Variants in DCDC1 observed in about 807,000 individuals in gnomAD.
DCDC1 encodes the protein doublecortin domain-containing protein 1.
DCDC1 carries 200 observed loss-of-function variants against 178.3 expected under a neutral mutation model. The observed-to-expected ratio is 1.12, with a 90% CI of 1.00 to 1.26. The LOEUF (loss-of-function observed/expected upper bound fraction) is 1.26, where lower values mean the gene tolerates loss of function less well. DCDC1 is among the 50% of genes most tolerant of loss of function. The probability of loss-of-function intolerance (pLI) is 0.00; values close to 1 mark genes in which losing one functional copy is unlikely to be tolerated. For synonymous variants in DCDC1, 690 were observed against 604.8 expected (o/e 1.14, Z -2.07); for missense variants, 1,983 against 1,749.2 (o/e 1.13, Z -2.38).
intron 7 of DCDC1, among the ~76,000 whole-genome samples, chr11:31,279,252 G>A (rs893345599): frequency 1.3e-5 from 2 of 151,886 alleles, no homozygotes; most frequent in Non-Finnish European, 2.9e-5. Context: ...TTTTTTGTGT[G>A]TGTGTGTGTG....
intron 21 of DCDC1, among the ~76,000 whole-genome samples, chr11:30,936,739 G>C (rs1266553735): frequency 2.0e-5 from 3 of 152,068 alleles, no homozygotes; most frequent in African/African-American, 7.2e-5. Context: ...AAGCAGACTG[G>C]GGGAAGATGC....
chr11:30,939,199 C>T (rs1947478782), intron 21 of DCDC1, among the ~76,000 whole-genome samples: 1 of 152,180 alleles, frequency 6.6e-6, no homozygotes, highest in South Asian at 2.1e-4. Context: ...CTCCCTGTTA[C>T]CTCCACTGTC....
At chr11:31,043,811 T>C (rs1954635557) in intron 20 of DCDC1, among the ~76,000 whole-genome samples, 1 of 142,538 alleles carries the variant, frequency 7.0e-6, no homozygotes. Context: ...TGTGTGTGTT[T>C]CTTTTTGTTT....
Position 30,900,538 on chromosome 11 carries a change from T to C in DCDC1, c.4511-40A>G, listed in dbSNP as rs561004226. The C allele has an allele frequency of 2.0e-5, 27 of 1,378,530 alleles. No individual in the cohort carries two copies. The East Asian group carries it at 5.8e-4, about 30-fold the overall frequency. 85.4% of individuals were successfully genotyped at this position (1,378,530 alleles called of 1,614,324 possible). On this transcript the variant is annotated intron_variant, in intron 32 of 38. Coordinates refer to ENST00000684477, the MANE Select transcript of DCDC1 (RefSeq NM_001387274.1). ...GACACATTTATCATTGTTCAACGAA[T>C]AATGAATAAATTTGTTTTCTGAATT... is the stretch of plus-strand genomic sequence containing the variant.
At position 31,010,982 on chromosome 11, in the gene DCDC1, CAAAT is replaced by C. The variant is rs1389354592; in HGVS notation, c.2591+53483_2591+53486del. On this transcript the variant is annotated intron_variant, in intron 20 of 38. Transcript: ENST00000684477. Reference sequence around the variant, plus strand: ...TATATTTTTTAAAAAACCTACTAAACAAATAAGTAGATCAATGGAAAATAATGCA... The same window carrying C: ...TATATTTTTTAAAAAACCTACTAAACAAGTAGATCAATGGAAAATAATGCA... 2.0e-5 allele frequency among the ~76,000 whole-genome samples: 3 copies of C among 151,846 alleles called. No individual in the cohort carries two copies. In the East Asian group the frequency reaches 5.8e-4, roughly 29 times the overall value.
chr11:30,884,938 T>C (rs555454398), intron 36 of DCDC1, among the ~76,000 whole-genome samples: 90 of 152,218 alleles, frequency 5.9e-4, no homozygotes, highest in African/African-American at 1.7e-3. Flanking sequence ...TGTTGAACTG[T>C]AATTCCAAAA....
chr11:31,004,565 C>T (rs1243960717), intron 20 of DCDC1, among the ~76,000 whole-genome samples: 1 of 151,112 alleles, frequency 6.6e-6, no homozygotes, highest in Non-Finnish European at 1.5e-5. Context: ...CTCCTGTAGT[C>T]CCAGCTACTC....
Position 31,105,953 on chromosome 11 carries a change from A to C in DCDC1, c.1751+844T>G, listed in dbSNP as rs905439870. ...CCCTTATTCTGTTCTACAGATAATA[A>C]GCTAAAAAAATTAAAAATAGAGAAG... On this transcript the variant is annotated intron_variant, in intron 13 of 38. Coordinates refer to ENST00000684477, the MANE Select transcript of DCDC1 (RefSeq NM_001387274.1). Among the ~76,000 whole-genome samples the C allele has an allele frequency of 5.9e-5, 9 of 152,302 alleles. No individual in the cohort carries two copies. In the South Asian group the frequency reaches 1.7e-3, roughly 28 times the overall value.
intron 3 of DCDC1, among the ~76,000 whole-genome samples, chr11:31,327,231 C>T (rs1380178387): frequency 3.3e-5 from 5 of 152,062 alleles, no homozygotes; most frequent in South Asian, 2.1e-4. Context: ...TGCAATGGCG[C>T]GATCTTGGCT....
intron 21 of DCDC1, among the ~76,000 whole-genome samples, chr11:30,935,697 G>T (rs183587861): frequency 6.6e-6 from 1 of 152,198 alleles, no homozygotes; most frequent in African/African-American, 2.4e-5. Context: ...GGGATTACAG[G>T]TGAGTGCTAC....
chr11:30,877,396 C>T (rs1396124730), intron 38 of DCDC1, among the ~76,000 whole-genome samples: 1 of 152,138 alleles, frequency 6.6e-6, no homozygotes, highest in Non-Finnish European at 1.5e-5. Flanking sequence ...TCACCAAAAG[C>T]AGAAACTAAA....
intron 20 of DCDC1, among the ~76,000 whole-genome samples, chr11:30,986,639 C>T (rs1046841906): frequency 6.6e-6 from 1 of 151,982 alleles, no homozygotes; most frequent in African/African-American, 2.4e-5. Flanking sequence ...CCAATGACTT[C>T]TACTTTTTAT....
chr11:31,361,289 C>T lies in DCDC1; in HGVS notation c.-125+8408G>A, dbSNP rs2133383876. On this transcript the variant is annotated intron_variant, in intron 1 of 38. Transcript: ENST00000684477. ...ATAAAGATGGATCCAAGATGGCATG[C>T]ATCTGCAAGGGATGGAATTCCACAG... Among the ~76,000 whole-genome samples, 3 of 152,230 alleles carry T rather than the reference C, an allele frequency of 2.0e-5. No homozygotes were observed. The South Asian group carries it at 6.2e-4, about 32-fold the overall frequency.
At position 31,294,862 on chromosome 11, in the gene DCDC1, GAA is replaced by G. The variant is rs1456088537; in HGVS notation, c.755-4012_755-4011del. Among the ~76,000 whole-genome samples the G allele has an allele frequency of 8.0e-5, 10 of 124,420 alleles. No homozygotes were observed. The Middle Eastern group carries it at 0.013, about 167-fold the overall frequency. 81.6% of individuals were successfully genotyped at this position (124,420 alleles called of 152,430 possible). On this transcript the variant is annotated intron_variant, in intron 6 of 38. Coordinates refer to ENST00000684477, the MANE Select transcript of DCDC1 (RefSeq NM_001387274.1). Reference sequence around the variant, plus strand: ...AGAAAGAAAGAAAGAAAGAAAGAAAGAAAGAAAAAGAAAACAGAAAGAGTGTA... The same window carrying G: ...AGAAAGAAAGAAAGAAAGAAAGAAAGAGAAAAAGAAAACAGAAAGAGTGTA...
rs1455214642 is a variant in DCDC1 at position 30,864,241 on chromosome 11, T to A, written c.*1132A>T. Reference sequence around the variant, plus strand: ...ACTGCTTCATGATTGCCTGTCGAAGTCTCAAATGTTGTCAATTCATCTATA... The same window carrying A: ...ACTGCTTCATGATTGCCTGTCGAAGACTCAAATGTTGTCAATTCATCTATA... On this transcript the variant is annotated 3_prime_UTR_variant, in exon 39 of 39. Transcript: ENST00000684477. The A allele has an allele frequency of 6.6e-6, 1 of 152,204 alleles. No homozygotes were observed. Among genetic ancestry groups the A allele is most frequent in the East Asian group, 1.9e-4 (1 of 5,204 alleles). The allele number at this position is 152,204 out of a possible 1,614,324, so 9.4% of individuals were successfully genotyped here. A position where few individuals can be genotyped will look rare whatever the true frequency, so the allele number is the denominator to read the frequency against.
At chr11:31,009,410 C>G (rs1043554209) in intron 20 of DCDC1, among the ~76,000 whole-genome samples, 1 of 151,122 alleles carries the variant, frequency 6.6e-6, no homozygotes, top group Non-Finnish European at 1.5e-5. Context: ...CTTGAAGCAA[C>G]ACACACAATT....
At chr11:31,261,584 T>C (rs1386925968) in intron 8 of DCDC1, among the ~76,000 whole-genome samples, 3 of 152,306 alleles carry the variant, frequency 2.0e-5, no homozygotes, top group East Asian at 3.9e-4. Flanking sequence ...TTAGGTATTA[T>C]AAGTAAGCTA....
At position 31,266,748 on chromosome 11, in the gene DCDC1, T is replaced by C. The variant is rs1288834896; in HGVS notation, c.961-1148A>G. ...TACTTTATTATTGGAGCCCATAATT[T>C]AGTCCTAGCTTAACCAATTCATTAG... On this transcript the variant is annotated intron_variant, in intron 7 of 38. Transcript: ENST00000684477. Among the ~76,000 whole-genome samples the C allele has an allele frequency of 2.6e-5, 4 of 152,236 alleles. 1 individual carries two copies.
intron 20 of DCDC1, among the ~76,000 whole-genome samples, chr11:30,972,649 C>A (rs995087733): frequency 4.6e-5 from 7 of 151,626 alleles, no homozygotes; most frequent in African/African-American, 1.5e-4. Context: ...AAGGCTATAC[C>A]AAAAAAGAAA....
Sources: gnomAD v4.1 joint callset for allele counts (sites outside exome capture counted in the v4.1 genomes callset) on GRCh38, gnomAD v4.1.1 for gene constraint, MANE v1.5 for transcripts, NCBI Gene and HGNC (gene_info 2026-07-23, HGNC 2026-07-21) for gene names.